RBFOX3: variants seen among roughly 807,000 people sequenced by gnomAD.
RBFOX3 encodes RNA binding fox-1 homolog 3, also known as RNA binding protein fox-1 homolog 3.
RBFOX3 carries 17 observed loss-of-function variants against 48.7 expected under a neutral mutation model. The observed-to-expected ratio is 0.35, with a 90% CI of 0.24 to 0.52. The LOEUF (loss-of-function observed/expected upper bound fraction) is 0.52, where lower values mean the gene tolerates loss of function less well. Ranked by LOEUF, RBFOX3 falls within the 20% of genes least tolerant of loss-of-function variation. The probability of loss-of-function intolerance (pLI) is 0.94; values close to 1 mark genes in which losing one functional copy is unlikely to be tolerated. For synonymous variants in RBFOX3, 212 were observed against 209.5 expected, an observed-to-expected ratio of 1.01 and a Z score of -0.10; for missense variants, 382 against 497.5, an observed-to-expected ratio of 0.77 and a Z score of 2.21.
intron 3 of RBFOX3, among the ~76,000 whole-genome samples, chr17:79,302,422 G>A (rs1364776002): frequency 6.6e-6 from 1 of 152,212 alleles, no homozygotes; most frequent in Non-Finnish European, 1.5e-5. Context: ...GCTCACACCT[G>A]TAATCTCAGC....
chr17:79,579,172 G>A (rs1051281777), intron 1 of RBFOX3, among the ~76,000 whole-genome samples: 7 of 152,138 alleles, frequency 4.6e-5, no homozygotes, highest in Non-Finnish European at 7.4e-5. Context: ...GGGGAACCTC[G>A]TCTGGTCCTG....
intron 1 of RBFOX3, among the ~76,000 whole-genome samples, chr17:79,510,720 A>C (rs1381498179): frequency 1.3e-5 from 2 of 152,136 alleles, no homozygotes; most frequent in Non-Finnish European, 2.9e-5. Context: ...TGATTAATGG[A>C]GGGGATGAGG....
At chr17:79,524,890 G>T (rs942758219) in intron 1 of RBFOX3, among the ~76,000 whole-genome samples, 10 of 152,184 alleles carry the variant, frequency 6.6e-5, no homozygotes, top group African/African-American at 2.4e-4. Context: ...ACAGCATCAT[G>T]GGTGGGTTCA....
chr17:79,620,506 T>G, the RBFOX3 span, among the ~76,000 whole-genome samples: 2 of 131,238 alleles, frequency 1.5e-5, no homozygotes, highest in African/African-American at 5.7e-5. Flanking sequence ...CGCACACACA[T>G]GCGCATACGT....
intron 3 of RBFOX3, among the ~76,000 whole-genome samples, chr17:79,258,067 TAC>T (rs745788477): frequency 1.3e-5 from 2 of 152,184 alleles, no homozygotes; most frequent in Non-Finnish European, 2.9e-5. Context: ...TGCCAATGCC[TAC>T]ACAGAAGTCC....
At chr17:79,376,065 C>A (rs1260576087) in intron 2 of RBFOX3, among the ~76,000 whole-genome samples, 1 of 152,206 alleles carries the variant, frequency 6.6e-6, no homozygotes, top group Non-Finnish European at 1.5e-5. Context: ...CCTGATCATG[C>A]CCAGATGTGG....
At chr17:79,528,926 C>G (rs1330879615) in intron 1 of RBFOX3, among the ~76,000 whole-genome samples, 2 of 152,230 alleles carry the variant, frequency 1.3e-5, no homozygotes, top group African/African-American at 4.8e-5. Context: ...CACCGCCCCT[C>G]AGTTCCTGCT....
chr17:79,656,808 A>AGG, the RBFOX3 span, among the ~76,000 whole-genome samples: 8 of 7,062 alleles, frequency 1.1e-3, no homozygotes, highest in East Asian at 0.016. Flanking sequence ...GAAAGAAAGA[A>AGG]AAGAAAGAGA....
chr17:79,256,523 C>G (rs1000477775), intron 3 of RBFOX3, among the ~76,000 whole-genome samples: 51 of 152,154 alleles, frequency 3.4e-4, no homozygotes, highest in Admixed American at 3.3e-3. Flanking sequence ...TTACTCCAAC[C>G]TGCTACAGCC....
intron 1 of RBFOX3, among the ~76,000 whole-genome samples, chr17:79,493,581 A>C (rs2081012956): frequency 6.6e-6 from 1 of 152,068 alleles, no homozygotes; most frequent in Non-Finnish European, 1.5e-5. Flanking sequence ...ACCCATGCTA[A>C]AGGAGTCCCC....
chr17:79,608,393 C>T (rs2093885695), intron 1 of RBFOX3, among the ~76,000 whole-genome samples: 1 of 152,222 alleles, frequency 6.6e-6, no homozygotes, highest in Non-Finnish European at 1.5e-5. Flanking sequence ...CCCGAGGTCC[C>T]CGGGGTGGGC....
chr17:79,518,252 T>C (rs1356310881), intron 1 of RBFOX3, among the ~76,000 whole-genome samples: 1 of 152,214 alleles, frequency 6.6e-6, no homozygotes, highest in African/African-American at 2.4e-5. Flanking sequence ...GAGAGGACTA[T>C]TATGGGAAAT....
intron 1 of RBFOX3, among the ~76,000 whole-genome samples, chr17:79,561,825 C>T (rs1214024638): frequency 2.0e-5 from 3 of 152,282 alleles, no homozygotes; most frequent in South Asian, 4.2e-4. Flanking sequence ...CTCAGGCTCC[C>T]GTCCACACCT....
At chr17:79,313,523 T>C (rs1019337734) in intron 2 of RBFOX3, among the ~76,000 whole-genome samples, 1 of 152,148 alleles carries the variant, frequency 6.6e-6, no homozygotes, top group African/African-American at 2.4e-5. Context: ...CTCTGGTCAG[T>C]GTAGGGGAGC....
intron 4 of RBFOX3, among the ~76,000 whole-genome samples, chr17:79,120,724 G>GGGTGGGTGGATGGAAGGGTT: frequency 1.3e-5 from 2 of 148,268 alleles, no homozygotes; most frequent in Admixed American, 6.7e-5. Context: ...ATGGAAGGGT[G>GGGTGGGTGGATGGAAGGGTT]GGTGGGTGGA....
At chr17:79,224,314 C>A (rs575824707) in intron 4 of RBFOX3, among the ~76,000 whole-genome samples, 1 of 152,198 alleles carries the variant, frequency 6.6e-6, no homozygotes, top group Non-Finnish European at 1.5e-5. Context: ...CCATCTCCCC[C>A]AGACTCTCCT....
intron 1 of RBFOX3, among the ~76,000 whole-genome samples, chr17:79,579,730 G>A (rs1168676769): frequency 1.4e-5 from 2 of 147,916 alleles, no homozygotes; most frequent in African/African-American, 2.6e-5. Flanking sequence ...AGTCACTGGC[G>A]CCGTGGTGGG....
intron 3 of RBFOX3, among the ~76,000 whole-genome samples, chr17:79,240,180 T>C (rs2062154853): frequency 6.6e-6 from 1 of 152,216 alleles, no homozygotes; most frequent in Admixed American, 6.5e-5. Flanking sequence ...CCATAAAACA[T>C]TTCATTCTTC....
At chr17:79,227,173 T>C (rs2060404263) in intron 4 of RBFOX3, among the ~76,000 whole-genome samples, 1 of 152,198 alleles carries the variant, frequency 6.6e-6, no homozygotes, top group Admixed American at 6.5e-5. Flanking sequence ...CTTGCTGGTT[T>C]TGGCCGAGAC....
Sources: gnomAD v4.1 joint callset for allele counts (sites outside exome capture counted in the v4.1 genomes callset) on GRCh38, gnomAD v4.1.1 for gene constraint, MANE v1.5 for transcripts, NCBI Gene and HGNC (gene_info 2026-07-23, HGNC 2026-07-21) for gene names.